The following CCDC13 variants were observed in gnomAD, a reference collection of about 807,000 sequenced individuals.
The protein encoded by CCDC13 is coiled-coil domain-containing protein 13.
In CCDC13, 70 loss-of-function variants were observed where a neutral mutation model predicts 87.3. That is an observed-to-expected ratio of 0.80 (90% CI 0.66 to 0.98). The LOEUF (loss-of-function observed/expected upper bound fraction) is 0.98, where lower values mean the gene tolerates loss of function less well. Among genes scored for constraint, CCDC13 ranks in the 50% least tolerant of loss-of-function variants. The pLI is 0.00. For missense variants in CCDC13, 842 were observed against 892.0 expected (o/e 0.94, Z 0.71); for synonymous variants, 317 against 360.3 (o/e 0.88, Z 1.36).
rs373266481 is a variant in CCDC13, at chr3:42,752,709, C to T, written c.379G>A (p.Gly127Ser). ...EDRFAFTGTA[G>S]VAGDVVATKI... Reference sequence around the variant, plus strand: ...GTGGCGACCACGTCTCCGGCTACACCGGCTGTCCCTAAAATGAAAGGAATG... The same window carrying T: ...GTGGCGACCACGTCTCCGGCTACACTGGCTGTCCCTAAAATGAAAGGAATG... The change falls in exon 4 of 16, where the codon GGT becomes AGT. Residue 127 changes from glycine to serine, a missense_variant. By Grantham distance (56) the Gly-to-Ser change is moderately conservative (BLOSUM62 0). Transcript: ENST00000310232. 122 of 1,614,070 alleles carry T rather than the reference C, an allele frequency of 7.6e-5. No homozygotes were observed. The highest frequency in any genetic ancestry group is 1.6e-4 in the Middle Eastern group (1 of 6,062).
At chr3:42,732,500 A>G (rs189301090) in intron 12 of CCDC13, 8 of 216,996 alleles carry the variant, frequency 3.7e-5, no homozygotes, top group Non-Finnish European at 7.4e-5. Context: ...TGATTCTGTC[A>G]ACAAAGAGGG....
intron 5 of CCDC13, among the ~76,000 whole-genome samples, chr3:42,747,958 T>C (rs1206471887): frequency 1.3e-5 from 2 of 152,192 alleles, no homozygotes; most frequent in African/African-American, 4.8e-5. Context: ...GGGCTCTCTT[T>C]CCTAGCAGTG....
At chr3:42,722,898 G>A (rs946664290) in intron 13 of CCDC13, among the ~76,000 whole-genome samples, 13 of 145,116 alleles carry the variant, frequency 9.0e-5, no homozygotes, top group African/African-American at 2.8e-4. Flanking sequence ...CCAGGTTCAC[G>A]CCATTCTCCT....
chr3:42,746,925 G>C, intron 6 of CCDC13: 1 of 433,040 alleles, frequency 2.3e-6, no homozygotes, highest in Non-Finnish European at 4.3e-6. Flanking sequence ...GGATCTACTG[G>C]GGCACAAGTA....
At chr3:42,709,899 G>T in intron 14 of CCDC13, 101 bp from the exon 15 acceptor site, 1 of 897,198 alleles carries the variant, frequency 1.1e-6, no homozygotes, top group Non-Finnish European at 1.8e-6. Context: ...CTTCCACATG[G>T]TGAAACGCTA....
chr3:42,772,822 C>T (rs1195861622), intron 1 of CCDC13, among the ~76,000 whole-genome samples: 2 of 152,140 alleles, frequency 1.3e-5, no homozygotes, highest in Non-Finnish European at 2.9e-5. Context: ...CAGTGCGGTG[C>T]GAGAGGGCCC....
intron 13 of CCDC13, 26 bp from the exon 14 acceptor site, chr3:42,713,342 T>C: frequency 1.9e-6 from 3 of 1,611,072 alleles, no homozygotes; most frequent in Non-Finnish European, 1.7e-6. Context: ...GAGGGGATGC[T>C]ACATGCCCTG....
chr3:42,750,836 C>T (rs758706880), intron 5 of CCDC13, among the ~76,000 whole-genome samples: 15 of 152,212 alleles, frequency 9.9e-5, no homozygotes, highest in Non-Finnish European at 2.1e-4. Flanking sequence ...AAGCAGTTTC[C>T]TATCCAGGGC....
At chr3:42,767,412 ATAAAC>A (rs1404604358) in intron 1 of CCDC13, among the ~76,000 whole-genome samples, 5 of 152,244 alleles carry the variant, frequency 3.3e-5, no homozygotes, top group African/African-American at 9.6e-5. Context: ...GGAAAAGACT[ATAAAC>A]TATAAAACTC....
chr3:42,770,625 C>T (rs1305363372), intron 1 of CCDC13: 1 of 152,356 alleles, frequency 6.6e-6, no homozygotes, highest in African/African-American at 2.4e-5. Context: ...TCCCCTTCCA[C>T]ACTGTTGAAG....
At chr3:42,732,708 T>C (rs1698873244) in intron 12 of CCDC13, 179 bp downstream of exon 12, 1 of 595,444 alleles carries the variant, frequency 1.7e-6, no homozygotes, top group African/African-American at 1.9e-5. Flanking sequence ...GTTCTGAAGC[T>C]GCTTACTCTA....
rs1463588680 is a variant in CCDC13 at position 42,739,683 on chromosome 3, G to C, written c.1115C>G (p.Thr372Ser). The C allele has an allele frequency of 2.5e-6, 4 of 1,614,204 alleles. No homozygotes were observed. Among genetic ancestry groups the C allele is most frequent in the Non-Finnish European group, 3.4e-6 (4 of 1,180,018 alleles). Residue 372 changes from threonine (T) to serine (S), a missense_variant, in exon 9 of 16, where the codon ACC becomes AGC. Thr to Ser is a moderately conservative substitution (Grantham distance 58). Transcript: ENST00000310232. ...ATCATGCCGGCCCTTCTCCACCAGG[G>C]TTCCCATCTGACTCTTGAGGGTCTT... is the stretch of plus-strand genomic sequence containing the variant. ...EMKTLKSQMGTLVEKGRHDDE... is the reference protein window; with the variant it reads ...EMKTLKSQMGSLVEKGRHDDE...
chr3:42,766,733 T>A (rs1210575260), intron 1 of CCDC13, among the ~76,000 whole-genome samples: 1 of 152,134 alleles, frequency 6.6e-6, no homozygotes, highest in Non-Finnish European at 1.5e-5. Flanking sequence ...TTACTTTAGG[T>A]ATGCAAGGCT....
intron 13 of CCDC13, among the ~76,000 whole-genome samples, chr3:42,716,548 C>T (rs367712652): frequency 9.2e-5 from 14 of 152,068 alleles, no homozygotes; most frequent in African/African-American, 3.4e-4. Flanking sequence ...TGTGTTTCTC[C>T]AAAGAAAATA....
chr3:42,727,305 G>A (rs1214740771), intron 13 of CCDC13, among the ~76,000 whole-genome samples: 2 of 152,154 alleles, frequency 1.3e-5, no homozygotes, highest in African/African-American at 2.4e-5. Context: ...CTGGGAGGCG[G>A]AGGTTGCAGT....
intron 7 of CCDC13, among the ~76,000 whole-genome samples, chr3:42,743,457 G>T (rs1030771871): frequency 6.8e-6 from 1 of 146,448 alleles, no homozygotes; most frequent in African/African-American, 2.5e-5. Flanking sequence ...TTGCTCTGTT[G>T]CCCCGACTGG....
intron 7 of CCDC13, among the ~76,000 whole-genome samples, chr3:42,744,143 TA>T (rs1699319539): frequency 6.7e-6 from 1 of 150,150 alleles, no homozygotes; most frequent in South Asian, 2.2e-4. Flanking sequence ...TGCTACAGGT[TA>T]TTTTTAGGAT....
chr3:42,705,132 G>A (rs1202725396), downstream of CCDC13, among the ~76,000 whole-genome samples: 4 of 152,182 alleles, frequency 2.6e-5, no homozygotes, highest in Admixed American at 6.5e-5. Flanking sequence ...TTGTGTGTGT[G>A]CAAGGCTCAC....
chr3:42,758,196 G>A lies in CCDC13; in HGVS notation c.150C>T (p.Pro50=), dbSNP rs776320186. ...LKSRADDQEE[P]LEVSDGLSLL... ...GGCTGAGGCCATCTGAAACCTCCAA[G>A]GGCTCCTCTTGGTCGTCAGCTCTGC... is the stretch of plus-strand genomic sequence containing the variant. The change falls in exon 2 of 16, where the codon CCC becomes CCT. Residue 50 remains proline (P), a synonymous_variant. Transcript: ENST00000310232. 1 of 1,614,060 alleles carries A rather than the reference G, an allele frequency of 6.2e-7. No individual in the cohort carries two copies. The highest frequency in any genetic ancestry group is 2.2e-5 in the East Asian group (1 of 44,886).
Sources: gnomAD v4.1 joint callset for allele counts (sites outside exome capture counted in the v4.1 genomes callset) on GRCh38, gnomAD v4.1.1 for gene constraint, MANE v1.5 for transcripts, NCBI Gene and HGNC (gene_info 2026-07-23, HGNC 2026-07-21) for gene names.